The following DNAJC6 variants were observed in gnomAD, a reference collection of about 807,000 sequenced individuals.
DNAJC6 encodes the protein DnaJ heat shock protein family (Hsp40) member C6.
Under a neutral mutation model 110.0 loss-of-function variants are expected in DNAJC6, and 34 were observed. The observed-to-expected ratio is 0.31, with a 90% CI of 0.24 to 0.41. DNAJC6 has a LOEUF of 0.41. DNAJC6 is among the 10% of genes least tolerant of loss of function. The probability of loss-of-function intolerance (pLI) is 1.00; values close to 1 mark genes in which losing one functional copy is unlikely to be tolerated. For synonymous variants in DNAJC6, 406 were observed against 437.2 expected, an observed-to-expected ratio of 0.93 and a Z score of 0.89; for missense variants, 1,031 against 1,207.8, an observed-to-expected ratio of 0.85 and a Z score of 2.17.
chr1:65,364,643 T>C lies in DNAJC6; in HGVS notation c.202T>C (p.Ser68Pro). 1 of 1,581,124 alleles carries C rather than the reference T, an allele frequency of 6.3e-7. No individual in the cohort carries two copies. The highest frequency in any genetic ancestry group is 8.5e-7 in the Non-Finnish European group (1 of 1,169,746). Residue 68 changes from serine to proline, a missense_variant, in exon 2 of 19, where the codon TCT becomes CCT. Ser to Pro is a moderately conservative substitution (Grantham distance 74). Coordinates refer to ENST00000371069, the MANE Select transcript of DNAJC6 (RefSeq NM_001256864.2). The stretch of plus-strand genomic sequence containing the variant: ...TTTTTTTTTTTTGGCAGGTGCCTCA[T>C]CTCCAGACATGGAGCCCAGCTATGG... ...ASTMDSSGASSPDMEPSYGGG... is the reference protein window; with the variant it reads ...ASTMDSSGASPPDMEPSYGGG...
chr1:65,382,789 A>T (rs570887181), intron 5 of DNAJC6, among the ~76,000 whole-genome samples: 1 of 152,232 alleles, frequency 6.6e-6, no homozygotes, highest in African/African-American at 2.4e-5. Context: ...AATATATCTC[A>T]TATCTTTCAT....
rs148056435 is a variant in DNAJC6 at position 65,353,784 on chromosome 1, G to A, written c.194-10851G>A. ...ATATTAGCCTTCTTTACAATAAAGC[G>A]CATGTTGTATTTCAAGAAATCTCCA... On this transcript the variant is annotated intron_variant, in intron 1 of 18. Coordinates refer to ENST00000371069, the MANE Select transcript of DNAJC6 (RefSeq NM_001256864.2). Among the ~76,000 whole-genome samples, 311 of 151,948 alleles carry A rather than the reference G, an allele frequency of 2.0e-3. 1 individual carries two copies. Among genetic ancestry groups the A allele is most frequent in the African/African-American group, 7.1e-3 (293 of 41,450 alleles).
At chr1:65,365,791 G>T in intron 2 of DNAJC6, 94 bp from the exon 3 acceptor site, 1 of 1,355,606 alleles carries the variant, frequency 7.4e-7, no homozygotes, top group Non-Finnish European at 1.0e-6. Flanking sequence ...CCTGGACAGC[G>T]GTGTCCCAGT....
chr1:65,404,145 A>G (rs1646054346), intron 15 of DNAJC6, among the ~76,000 whole-genome samples: 1 of 152,210 alleles, frequency 6.6e-6, no homozygotes, highest in Admixed American at 6.5e-5. Context: ...GGAAGAAGGA[A>G]TTCATGCTGC....
intron 13 of DNAJC6, among the ~76,000 whole-genome samples, chr1:65,397,172 G>A (rs1387315295): frequency 1.3e-5 from 2 of 152,152 alleles, no homozygotes; most frequent in Non-Finnish European, 2.9e-5. Flanking sequence ...TCCTCTCCTT[G>A]TTGGGAAAGC....
At chr1:65,401,954 GT>G in intron 15 of DNAJC6, 74 bp downstream of exon 15, 1 of 1,581,936 alleles carries the variant, frequency 6.3e-7, no homozygotes, top group Non-Finnish European at 8.6e-7. Context: ...AGTCTTTGGT[GT>G]TACAGCAAGC....
At chr1:65,411,448 G>A in intron 18 of DNAJC6, 22 bp downstream of exon 18, 1 of 1,601,410 alleles carries the variant, frequency 6.2e-7, no homozygotes. Context: ...CTGCCCTGTT[G>A]TGTAACTTGT....
chr1:65,399,051 G>A (rs955229581), intron 14 of DNAJC6, among the ~76,000 whole-genome samples, 170 bp downstream of exon 14: 6 of 152,154 alleles, frequency 3.9e-5, no homozygotes, highest in Non-Finnish European at 7.3e-5. Flanking sequence ...TTGATGACAT[G>A]ATAGTGCTAC....
intron 1 of DNAJC6, among the ~76,000 whole-genome samples, chr1:65,289,226 C>T (rs1350875325): frequency 1.3e-5 from 2 of 151,996 alleles, no homozygotes; most frequent in Non-Finnish European, 2.9e-5. Context: ...GATGGAGTCT[C>T]GCTCTGTTAC....
At position 65,415,307 on chromosome 1, in the gene DNAJC6, G is replaced by A. The variant is rs999690711; in HGVS notation, c.*2282G>A. On this transcript the variant is annotated 3_prime_UTR_variant, in exon 19 of 19. Transcript: ENST00000371069. ...ATAAATCTAAGTTATTTGGGTACTT[G>A]TAGGAATACAATGAGGAGCTTGAAT... 7.2e-5 allele frequency: 11 copies of A among 152,164 alleles called. No individual in the cohort carries two copies. Among genetic ancestry groups the A allele is most frequent in the African/African-American group, 2.4e-4 (10 of 41,430 alleles). The allele number at this position is 152,164 out of a possible 1,614,324, so 9.4% of individuals were successfully genotyped here. A position where few individuals can be genotyped will look rare whatever the true frequency, so the allele number is the denominator to read the frequency against.
At chr1:65,342,820 C>A (rs1363608169) in intron 1 of DNAJC6, among the ~76,000 whole-genome samples, 3 of 152,150 alleles carry the variant, frequency 2.0e-5, no homozygotes, top group African/African-American at 7.2e-5. Context: ...CGGTTGGTTT[C>A]TTGATGGATT....
In DNAJC6 at chr1:65,410,803, G is replaced by C. The variant is rs1441814451; in HGVS notation, c.2635-447G>C. On this transcript the variant is annotated intron_variant, in intron 17 of 18. Coordinates refer to ENST00000371069, the MANE Select transcript of DNAJC6 (RefSeq NM_001256864.2). ...AAGAAATAATACTTTTCCTCAAACA[G>C]CTCTGCCTAATGGCAGGCAAAGAGA... is the stretch of plus-strand genomic sequence containing the variant. Among the ~76,000 whole-genome samples, 4 of 152,236 alleles carry C rather than the reference G, an allele frequency of 2.6e-5. No homozygotes were observed. The South Asian group carries it at 6.2e-4, about 24-fold the overall frequency.
chr1:65,299,134 C>G lies in DNAJC6; in HGVS notation c.-131+34202C>G, dbSNP rs7555580. 4.0e-3 allele frequency among the ~76,000 whole-genome samples: 609 copies of G among 152,224 alleles called. 2 individuals are homozygous for G. Among genetic ancestry groups the G allele is most frequent in the African/African-American group, 0.014 (595 of 41,536 alleles). On this transcript the variant is annotated intron_variant, in intron 1 of 19. Coordinates refer to the DNAJC6 transcript ENST00000263441. ...CTTTTGAATATGTTTGAAAATTTCC[C>G]TAATAGAAAGTAAAAAGATAGAATA...
At chr1:65,315,054 G>A (rs1028096963) in intron 1 of DNAJC6, among the ~76,000 whole-genome samples, 6 of 152,174 alleles carry the variant, frequency 3.9e-5, no homozygotes, top group Admixed American at 2.0e-4. Context: ...TCTCATCAGT[G>A]CAGAGTTCTT....
rs1415834180 is a variant in DNAJC6, at chr1:65,415,599, C to T, written c.*2574C>T. 6.6e-6 allele frequency: 1 copy of T among 152,118 alleles called. No individual in the cohort carries two copies. Among genetic ancestry groups the T allele is most frequent in the Non-Finnish European group, 1.5e-5 (1 of 68,018 alleles). The allele number at this position is 152,118 out of a possible 1,614,324, so 9.4% of individuals were successfully genotyped here. On this transcript the variant is annotated 3_prime_UTR_variant, in exon 19 of 19. Transcript: ENST00000371069. ...TCAAAGGATTTTCAAAAAAACGAATCTGTATGTTGAGGCAAAAGGATTGAA... is the reference window on the plus strand; with the variant it reads ...TCAAAGGATTTTCAAAAAAACGAATTTGTATGTTGAGGCAAAAGGATTGAA...
chr1:65,277,733 G>A (rs946471365), intron 1 of DNAJC6, among the ~76,000 whole-genome samples: 13 of 152,178 alleles, frequency 8.5e-5, no homozygotes, highest in African/African-American at 2.7e-4. Context: ...GTGCCCTCGC[G>A]GGCAGAACTA....
chr1:65,388,881 GTGGCTAGAGCCGGGA>G (rs1176672521), intron 9 of DNAJC6, among the ~76,000 whole-genome samples: 2 of 152,138 alleles, frequency 1.3e-5, no homozygotes, highest in Non-Finnish European at 2.9e-5. Flanking sequence ...AGTTGTGGGG[GTGGCTAGAGCCGGGA>G]TGGAGTTGCT....
At position 65,365,876 on chromosome 1, in the gene DNAJC6, T is replaced by C. The variant is rs750478429; in HGVS notation, c.345-9T>C. 1.9e-6 allele frequency: 3 copies of C among 1,611,452 alleles called. No homozygotes were observed. Among genetic ancestry groups the C allele is most frequent in the Non-Finnish European group, 2.5e-6 (3 of 1,179,070 alleles). The stretch of plus-strand genomic sequence containing the variant: ...TTTTAATGAGTGCCCATTTTTGTCT[T>C]GCTTTTAGCTACACAAAGGGAGATT... On this transcript the variant is annotated splice_polypyrimidine_tract_variant and intron_variant, in intron 2 of 18. Transcript: ENST00000371069.
Position 65,392,591 on chromosome 1 carries a change from G to A in DNAJC6, c.1629G>A (p.Gln543=). 6.2e-7 allele frequency: 1 copy of A among 1,614,106 alleles called. No homozygotes were observed. Among genetic ancestry groups the A allele is most frequent in the Non-Finnish European group, 8.5e-7 (1 of 1,180,006 alleles). The part of the protein sequence containing the change: ...HGVKKPSKKQ[Q]EPAAPPPPED... ...TCAAGAAGCCCAGCAAAAAGCAGCA[G>A]GAGCCAGCAGCCCCTCCACCCCCTG... The change falls in exon 12 of 19, where the codon CAG becomes CAA. Residue 543 remains glutamine (Q), a synonymous_variant. Coordinates refer to ENST00000371069, the MANE Select transcript of DNAJC6 (RefSeq NM_001256864.2).
Sources: gnomAD v4.1 joint callset for allele counts (sites outside exome capture counted in the v4.1 genomes callset) on GRCh38, gnomAD v4.1.1 for gene constraint, MANE v1.5 for transcripts, NCBI Gene and HGNC (gene_info 2026-07-23, HGNC 2026-07-21) for gene names.